The following SEC61A2 variants were observed in gnomAD, a reference collection of about 807,000 sequenced individuals.
SEC61A2 encodes SEC61 translocon subunit alpha 2.
Under a neutral mutation model 59.9 loss-of-function variants are expected in SEC61A2, and 28 were observed. That is an observed-to-expected ratio of 0.47 (90% CI 0.35 to 0.64). The LOEUF (loss-of-function observed/expected upper bound fraction) is 0.64. Ranked by LOEUF, SEC61A2 falls within the 30% of genes least tolerant of loss-of-function variation. SEC61A2 has a pLI of 0.01. For synonymous variants in SEC61A2, 202 were observed against 214.4 expected (o/e 0.94, Z 0.50); for missense variants, 340 against 585.9 (o/e 0.58, Z 4.33).
chr10:12,145,476 T>C lies in SEC61A2; in HGVS notation c.220+2281T>C, dbSNP rs1244535692. On this transcript the variant is annotated intron_variant, in intron 4 of 11. Transcript: ENST00000298428. The surrounding 1 kb of genome is among the most constrained non-coding windows in gnomAD (Gnocchi z 4.4). ...ACCATTTCTCTTTCAACAGTGGATATTATTAGTATTTTAGTCTTTGTTAGT... is the reference window on the plus strand; with the variant it reads ...ACCATTTCTCTTTCAACAGTGGATACTATTAGTATTTTAGTCTTTGTTAGT... 6.6e-6 allele frequency among the ~76,000 whole-genome samples: 1 copy of C among 152,210 alleles called. No individual in the cohort carries two copies. The highest frequency in any genetic ancestry group is 1.5e-5 in the Non-Finnish European group (1 of 68,028).
chr10:12,151,070 C>A (rs1003572235), intron 6 of SEC61A2, among the ~76,000 whole-genome samples: 1 of 151,078 alleles, frequency 6.6e-6, no homozygotes, highest in South Asian at 2.1e-4. Context: ...CCACTGCGCC[C>A]GGCCCTAAGT....
Position 12,162,092 on chromosome 10 carries a change from G to T in SEC61A2, c.1168-121G>T, listed in dbSNP as rs1002826766. 48 of 769,316 alleles carry T rather than the reference G, an allele frequency of 6.2e-5. No homozygotes were observed. The highest frequency in any genetic ancestry group is 1.6e-5 in the Non-Finnish European group (7 of 438,482). 47.7% of individuals were successfully genotyped at this position (769,316 alleles called of 1,614,324 possible). ...GGCTTAATGCGAATGATATGACAAT[G>T]CAACTTTCAGGTTATTGTATGTTAC... On this transcript the variant is annotated intron_variant, in intron 10 of 11. Coordinates refer to ENST00000298428, the MANE Select transcript of SEC61A2 (RefSeq NM_018144.4). This position sits in a 1 kb window ranked among gnomAD's most constrained non-coding sequence, Gnocchi z 6.1.
chr10:12,155,360 T>C lies in SEC61A2; in HGVS notation c.463-418T>C, dbSNP rs767874004. 4 of 1,578,770 alleles carry C rather than the reference T, an allele frequency of 2.5e-6. No individual in the cohort carries two copies. In the East Asian group the frequency reaches 9.0e-5, roughly 36 times the overall value. On this transcript the variant is annotated intron_variant, in intron 6 of 11. Coordinates refer to ENST00000298428, the MANE Select transcript of SEC61A2 (RefSeq NM_018144.4). The surrounding 1 kb of genome is among the most constrained non-coding windows in gnomAD (Gnocchi z 4.3). ...CCTTTGATGGCAGTGTACATTTCCA[T>C]CTTGCTATTATACCAGAATTCATCT...
chr10:12,157,720 C>T (rs1367759981), intron 8 of SEC61A2, among the ~76,000 whole-genome samples, 188 bp from the exon 9 acceptor site: 1 of 152,086 alleles, frequency 6.6e-6, no homozygotes, highest in East Asian at 1.9e-4. Flanking sequence ...CCAGGATGGT[C>T]TCGATCTCCT....
chr10:12,169,603 T>A, downstream of SEC61A2: 2 of 301,732 alleles, frequency 6.6e-6, no homozygotes, highest in Non-Finnish European at 1.2e-5. This position sits in a 1 kb window ranked among gnomAD's most constrained non-coding sequence, Gnocchi z 4.8. Flanking sequence ...GTTCTAACTC[T>A]GGCTTTGAGC....
In SEC61A2 at chr10:12,164,882, C is replaced by A; in HGVS notation, c.*428C>A. On this transcript the variant is annotated 3_prime_UTR_variant, in exon 12 of 12. Coordinates refer to ENST00000298428, the MANE Select transcript of SEC61A2 (RefSeq NM_018144.4). This position sits in a 1 kb window ranked among gnomAD's most constrained non-coding sequence, Gnocchi z 7.3. ...GAGTTCTGGAACATTTATATCTAAT[C>A]TATATTTTAGATAATTACTTTTTAT... is the stretch of plus-strand genomic sequence containing the variant. The A allele has an allele frequency of 1.0e-6, 1 of 973,124 alleles. No individual in the cohort carries two copies. The highest frequency in any genetic ancestry group is 1.2e-6 in the Non-Finnish European group (1 of 818,320). 60.3% of individuals were successfully genotyped at this position (973,124 alleles called of 1,614,324 possible). A position where few individuals can be genotyped will look rare whatever the true frequency, so the allele number is the denominator to read the frequency against.
At chr10:12,137,167 A>G (rs865800316) in intron 3 of SEC61A2, among the ~76,000 whole-genome samples, 55 of 151,342 alleles carry the variant, frequency 3.6e-4, no homozygotes, top group African/African-American at 1.3e-3. Context: ...CAGCCTCCCT[A>G]GTAGGTAGGA....
chr10:12,169,566 A>G (rs1292471307), downstream of SEC61A2: 3 of 431,224 alleles, frequency 7.0e-6, no homozygotes, highest in Non-Finnish European at 8.3e-6. The surrounding 1 kb of genome is among the most constrained non-coding windows in gnomAD (Gnocchi z 4.8). Context: ...CGCACCAGAT[A>G]AACTATTGTA....
rs1170964842 is a variant in SEC61A2 at position 12,153,154 on chromosome 10, A to ATTCCC, written c.463-2624_463-2623insTTCCC. 3.3e-3 allele frequency among the ~76,000 whole-genome samples: 506 copies of ATTCCC among 152,316 alleles called. 6 individuals are homozygous for ATTCCC. The highest frequency in any genetic ancestry group is 0.012 in the African/African-American group (485 of 41,578). ...TTTACAGCCCTTGGGAATTAGGGAAAGAGGCGCATTGGATGGGGAGAGATG... is the reference window on the plus strand; with the variant it reads ...TTTACAGCCCTTGGGAATTAGGGAAATTCCCGAGGCGCATTGGATGGGGAGAGATG... On this transcript the variant is annotated intron_variant, in intron 6 of 11. Coordinates refer to ENST00000298428, the MANE Select transcript of SEC61A2 (RefSeq NM_018144.4). This position sits in a 1 kb window ranked among gnomAD's most constrained non-coding sequence, Gnocchi z 5.2.
downstream of SEC61A2, chr10:12,167,806 C>T (rs369352467): frequency 4.3e-6 from 7 of 1,613,794 alleles, no homozygotes; most frequent in African/African-American, 6.7e-5. Context: ...TCTTCAGCTA[C>T]CAGAGCTGTG....
chr10:12,155,791 G>T lies in SEC61A2; in HGVS notation c.476G>T (p.Gly159Val). 6.2e-7 allele frequency: 1 copy of T among 1,614,200 alleles called. No homozygotes were observed. Among genetic ancestry groups the T allele is most frequent in the Non-Finnish European group, 8.5e-7 (1 of 1,180,034 alleles). ...CTTTCCCCACAGTTGTTTGTTGCTG[G>T]TTTGATTGTGCTGCTGTTAGATGAG... ...LLIIIQLFVA[G>V]LIVLLLDELL... Residue 159 changes from glycine (G) to valine (V), a missense_variant, in exon 7 of 12, where the codon GGT (glycine) becomes GTT (valine). Gly to Val is a moderately radical substitution (Grantham distance 109). Around this residue, in one of 3 missense-constraint regions of SEC61A2, gnomAD observed 283 missense variants for 483.2 expected, o/e 0.59. Coordinates refer to ENST00000298428, the MANE Select transcript of SEC61A2 (RefSeq NM_018144.4). This position sits in a 1 kb window ranked among gnomAD's most constrained non-coding sequence, Gnocchi z 4.3.
downstream of SEC61A2, chr10:12,169,405 T>TA (rs1336698293): frequency 1.0e-6 from 1 of 966,288 alleles, no homozygotes; most frequent in Admixed American, 2.7e-5. The surrounding 1 kb of genome is among the most constrained non-coding windows in gnomAD (Gnocchi z 4.8). Flanking sequence ...GAGGGGCTGT[T>TA]ATTGTTCCTG....
In SEC61A2 at chr10:12,165,221, C is replaced by T; in HGVS notation, c.*767C>T. 1.0e-6 allele frequency: 1 copy of T among 985,372 alleles called. No individual in the cohort carries two copies. Among genetic ancestry groups the T allele is most frequent in the African/African-American group, 1.7e-5 (1 of 57,332 alleles). 61.0% of individuals were successfully genotyped at this position (985,372 alleles called of 1,614,324 possible). On this transcript the variant is annotated 3_prime_UTR_variant, in exon 12 of 12. Coordinates refer to ENST00000298428, the MANE Select transcript of SEC61A2 (RefSeq NM_018144.4). ...TTCTTTTCTGTTTAAATCCCTAAAG[C>T]AAAGATCTAATTCTCAAGCAATGTC...
chr10:12,153,445 CTG>C lies in SEC61A2; in HGVS notation c.463-2332_463-2331del, dbSNP rs2131672592. Among the ~76,000 whole-genome samples the C allele has an allele frequency of 6.6e-6, 1 of 152,334 alleles. No individual in the cohort carries two copies. The highest frequency in any genetic ancestry group is 6.5e-5 in the Admixed American group (1 of 15,298). On this transcript the variant is annotated intron_variant, in intron 6 of 11. Transcript: ENST00000298428. The surrounding 1 kb of genome is among the most constrained non-coding windows in gnomAD (Gnocchi z 5.2). ...TATTCAGATTCCTAAGGAATCTCCACTGAGCGATTCTCAGCCAGCTAGCTACA... is the reference window on the plus strand; with the variant it reads ...TATTCAGATTCCTAAGGAATCTCCACAGCGATTCTCAGCCAGCTAGCTACA...
At position 12,155,764 on chromosome 10, in the gene SEC61A2, T is replaced by C; in HGVS notation, c.463-14T>C. 6.2e-7 allele frequency: 1 copy of C among 1,613,990 alleles called. No individual in the cohort carries two copies. Among genetic ancestry groups the C allele is most frequent in the Non-Finnish European group, 8.5e-7 (1 of 1,179,842 alleles). On this transcript the variant is annotated splice_polypyrimidine_tract_variant and intron_variant, in intron 6 of 11. Coordinates refer to ENST00000298428, the MANE Select transcript of SEC61A2 (RefSeq NM_018144.4). This position sits in a 1 kb window ranked among gnomAD's most constrained non-coding sequence, Gnocchi z 4.3. ...TGTTCTTGCTTCCGCTTACTTGCAT[T>C]TCTTTCCCCACAGTTGTTTGTTGCT...
chr10:12,151,999 T>C (rs922332057), intron 6 of SEC61A2, among the ~76,000 whole-genome samples: 1 of 152,230 alleles, frequency 6.6e-6, no homozygotes, highest in African/African-American at 2.4e-5. Flanking sequence ...CCAGGAAAGT[T>C]ATGCTGTTCA....
chr10:12,155,118 T>G lies in SEC61A2; in HGVS notation c.463-660T>G, dbSNP rs940092844. Among the ~76,000 whole-genome samples, 3 of 152,214 alleles carry G rather than the reference T, an allele frequency of 2.0e-5. No homozygotes were observed. Among genetic ancestry groups the G allele is most frequent in the East Asian group, 3.8e-4 (2 of 5,202 alleles). On this transcript the variant is annotated intron_variant, in intron 6 of 11. Transcript: ENST00000298428. The surrounding 1 kb of genome is among the most constrained non-coding windows in gnomAD (Gnocchi z 4.3). ...AAATTAAAGTCAGTATGCTTTCATT[T>G]TTAAAAACAATATGAGCTTAACCTT... is the stretch of plus-strand genomic sequence containing the variant.
In SEC61A2 at chr10:12,158,105, C is replaced by A. The variant is rs897836252; in HGVS notation, c.975C>A (p.Ala325=). Residue 325 remains alanine, a splice_region_variant and synonymous_variant, in exon 9 of 12, where the codon GCC becomes GCA. Transcript: ENST00000298428. This position sits in a 1 kb window ranked among gnomAD's most constrained non-coding sequence, Gnocchi z 5.7. ...TAGTAAATTTACTAGGACAGTGGGC[C>A]GTGAGTATTATGTTTATTTACATTA... is the stretch of plus-strand genomic sequence containing the variant. The part of the protein sequence containing the change: ...NFLVNLLGQW[A]DVSGGGPARS... 6.2e-7 allele frequency: 1 copy of A among 1,603,334 alleles called. No homozygotes were observed. Among genetic ancestry groups the A allele is most frequent in the South Asian group, 1.1e-5 (1 of 90,814 alleles).
intron 9 of SEC61A2, among the ~76,000 whole-genome samples, chr10:12,159,177 C>T (rs7099650): frequency 0.5 from 75,847 of 151,220 alleles, 19,167 homozygotes; most frequent in South Asian, 0.64. Flanking sequence ...CGGGGTTTAA[C>T]TGTGTTAGCC....
Sources: gnomAD v4.1 joint callset for allele counts (sites outside exome capture counted in the v4.1 genomes callset) on GRCh38, gnomAD v4.1.1 for gene constraint, gnomAD v4.1.1 regional missense constraint, Gnocchi (gnomAD v3.1) non-coding constraint, MANE v1.5 for transcripts, NCBI Gene and HGNC (gene_info 2026-07-23, HGNC 2026-07-21) for gene names.